Variants in KHDRBS2 observed in about 807,000 individuals in gnomAD.
KHDRBS2 encodes the protein KH domain-containing, RNA-binding, signal transduction-associated protein 2.
A neutral mutation model predicts 44.3 loss-of-function variants in KHDRBS2; 26 were observed. The ratio of observed to expected loss-of-function variants is 0.59; its 90% CI spans 0.43 to 0.81. KHDRBS2 has a LOEUF of 0.81. Ranked by LOEUF, KHDRBS2 falls within the 40% of genes least tolerant of loss-of-function variation. KHDRBS2 has a pLI of 0.00. For synonymous variants in KHDRBS2, 194 were observed against 151.1 expected (o/e 1.28, Z -2.08); for missense variants, 476 against 433.1 (o/e 1.10, Z -0.88).
rs1415199547 is a variant in KHDRBS2 at position 62,033,666 on chromosome 6, T to C, written c.336+14212A>G. ...GACATTTATATATGCAATATATATA[T>C]GGCATATAGATATTATATATGCCAT... On this transcript the variant is annotated intron_variant, in intron 3 of 8. Coordinates refer to ENST00000281156, the MANE Select transcript of KHDRBS2 (RefSeq NM_152688.4). 2.6e-5 allele frequency among the ~76,000 whole-genome samples: 4 copies of C among 151,108 alleles called. No individual in the cohort carries two copies. The Admixed American group carries it at 2.7e-4, about 10-fold the overall frequency.
chr6:62,254,381 A>G (rs1383695876), intron 1 of KHDRBS2, among the ~76,000 whole-genome samples: 1 of 152,070 alleles, frequency 6.6e-6, no homozygotes, highest in Non-Finnish European at 1.5e-5. Flanking sequence ...TAAGATATGC[A>G]TAATTTAAGA....
the KHDRBS2 span, among the ~76,000 whole-genome samples, chr6:61,577,258 A>T: frequency 6.6e-6 from 1 of 152,092 alleles, no homozygotes; most frequent in Non-Finnish European, 1.5e-5. Context: ...CACTTTACAA[A>T]TGCTGCAGGT....
intron 6 of KHDRBS2, 109 bp from the exon 7 acceptor site, chr6:61,732,873 G>A: frequency 1.4e-6 from 1 of 690,860 alleles, no homozygotes; most frequent in Non-Finnish European, 2.6e-6. Flanking sequence ...ATTTCATGTT[G>A]GGTAAGTATC....
intron 6 of KHDRBS2, among the ~76,000 whole-genome samples, chr6:61,858,326 T>C (rs1796436573): frequency 6.6e-6 from 1 of 151,916 alleles, no homozygotes; most frequent in Non-Finnish European, 1.5e-5. Context: ...CTTGAAGAGA[T>C]ATAATACTAG....
chr6:61,928,686 A>C (rs1202263955), intron 4 of KHDRBS2, among the ~76,000 whole-genome samples: 1 of 152,110 alleles, frequency 6.6e-6, no homozygotes, highest in Non-Finnish European at 1.5e-5. Context: ...ATTACATGCA[A>C]GCCATTACAT....
rs376022301 is a variant in KHDRBS2 at position 61,860,379 on chromosome 6, GC to G, written c.810+34255del. ...GATCCTATTCCTCCTCCCACCCTCTGCCCCCCGATAGCCTCCAGTGTGTGTT... is the reference window on the plus strand; with the variant it reads ...GATCCTATTCCTCCTCCCACCCTCTGCCCCCGATAGCCTCCAGTGTGTGTT... On this transcript the variant is annotated intron_variant, in intron 6 of 8. Coordinates refer to ENST00000281156, the MANE Select transcript of KHDRBS2 (RefSeq NM_152688.4). 6.3e-3 allele frequency among the ~76,000 whole-genome samples: 956 copies of G among 151,716 alleles called. 5 individuals are homozygous for G. Among genetic ancestry groups the G allele is most frequent in the Middle Eastern group, 0.017 (5 of 294 alleles).
chr6:62,039,469 T>C (rs774315475), intron 3 of KHDRBS2, among the ~76,000 whole-genome samples: 1 of 151,986 alleles, frequency 6.6e-6, no homozygotes, highest in East Asian at 1.9e-4. Context: ...ATTAATAGTA[T>C]ACAAATATAT....
intron 2 of KHDRBS2, among the ~76,000 whole-genome samples, chr6:62,114,517 A>G (rs189710221): frequency 4.6e-4 from 70 of 152,272 alleles, no homozygotes; most frequent in Admixed American, 2.4e-3. Flanking sequence ...AGAATAAAAC[A>G]GGTAAAATTA....
chr6:62,217,035 A>G (rs1403230002), intron 1 of KHDRBS2, among the ~76,000 whole-genome samples: 2 of 151,238 alleles, frequency 1.3e-5, no homozygotes, highest in Non-Finnish European at 3.0e-5. Context: ...ATTAAAAAAA[A>G]AAAAAAAAAG....
intron 3 of KHDRBS2, among the ~76,000 whole-genome samples, chr6:62,040,521 T>G (rs1179367188): frequency 6.6e-6 from 1 of 152,028 alleles, no homozygotes; most frequent in Non-Finnish European, 1.5e-5. Flanking sequence ...TTTTGGGCCA[T>G]AGATAGGAAG....
chr6:62,133,880 G>A (rs1384685299), intron 2 of KHDRBS2, among the ~76,000 whole-genome samples: 1 of 152,144 alleles, frequency 6.6e-6, no homozygotes. Context: ...ATGATTTAGG[G>A]TATCCGGTGG....
intron 6 of KHDRBS2, among the ~76,000 whole-genome samples, chr6:61,758,489 T>C (rs1266693390): frequency 2.0e-4 from 30 of 152,042 alleles, no homozygotes; most frequent in Admixed American, 1.6e-3. Context: ...GTATTTTATA[T>C]GCATTAAGTA....
chr6:61,689,291 A>G (rs1343308997), intron 8 of KHDRBS2, among the ~76,000 whole-genome samples: 3 of 151,990 alleles, frequency 2.0e-5, no homozygotes, highest in Non-Finnish European at 4.4e-5. Flanking sequence ...TGATAAAACT[A>G]TAATCATAAG....
Position 61,983,200 on chromosome 6 carries a change from T to TTTTCTTTCTTTCTTTCTTTC in KHDRBS2, c.337-5008_337-4989dup, listed in dbSNP as rs70993191. Reference sequence around the variant, plus strand: ...TTTTGAGTAATTAAAGTTTTTTTCATTTTCTTTCTTTCTTTCTTTCTTTCT... The same window carrying TTTTCTTTCTTTCTTTCTTTC: ...TTTTGAGTAATTAAAGTTTTTTTCATTTTCTTTCTTTCTTTCTTTCTTTCTTTCTTTCTTTCTTTCTTTCT... On this transcript the variant is annotated intron_variant, in intron 3 of 8. Transcript: ENST00000281156. 1.2e-3 allele frequency among the ~76,000 whole-genome samples: 53 copies of TTTTCTTTCTTTCTTTCTTTC among 46,032 alleles called. 1 individual carries two copies. The highest frequency in any genetic ancestry group is 6.6e-3 in the East Asian group (8 of 1,212). 30.2% of individuals were successfully genotyped at this position (46,032 alleles called of 152,430 possible). A position where few individuals can be genotyped will look rare whatever the true frequency, so the allele number is the denominator to read the frequency against.
chr6:62,191,276 A>G (rs569466746), intron 1 of KHDRBS2, among the ~76,000 whole-genome samples: 1 of 152,200 alleles, frequency 6.6e-6, no homozygotes, highest in Admixed American at 6.6e-5. Context: ...GCCATCCTGA[A>G]ACAGGCACGT....
chr6:62,040,273 G>A (rs1284034686), intron 3 of KHDRBS2, among the ~76,000 whole-genome samples: 2 of 151,676 alleles, frequency 1.3e-5, no homozygotes, highest in African/African-American at 2.4e-5. Flanking sequence ...ACACACACCC[G>A]TCTAGAAATG....
chr6:61,865,118 C>A (rs751682769), intron 6 of KHDRBS2, among the ~76,000 whole-genome samples: 20 of 152,128 alleles, frequency 1.3e-4, no homozygotes, highest in Non-Finnish European at 4.4e-5. Flanking sequence ...TCGGCTCTGT[C>A]AGGTCAGTTA....
At chr6:61,816,261 T>A (rs1192488403) in intron 6 of KHDRBS2, among the ~76,000 whole-genome samples, 1 of 152,154 alleles carries the variant, frequency 6.6e-6, no homozygotes, top group African/African-American at 2.4e-5. Context: ...AGGGTCTTTT[T>A]AGATATAGTC....
intron 3 of KHDRBS2, among the ~76,000 whole-genome samples, chr6:61,993,066 C>T (rs749491580): frequency 3.7e-4 from 56 of 152,146 alleles, no homozygotes; most frequent in Non-Finnish European, 6.6e-4. Context: ...TCTTGGGCCC[C>T]GAAAAGCCCC....
Sources: allele counts gnomAD v4.1 joint callset (sites outside exome capture counted in the v4.1 genomes callset), GRCh38; gene constraint gnomAD v4.1.1; transcripts MANE v1.5; gene names NCBI Gene and HGNC (gene_info 2026-07-23, HGNC 2026-07-21).